Variants in DPP10 observed in about 807,000 individuals in gnomAD.
DPP10 encodes the protein inactive dipeptidyl peptidase 10.
DPP10 carries 33 observed loss-of-function variants against 120.9 expected under a neutral mutation model. The observed-to-expected ratio is 0.27, with a 90% CI of 0.21 to 0.37. The LOEUF (loss-of-function observed/expected upper bound fraction) is 0.37, where lower values mean the gene tolerates loss of function less well. Ranked by LOEUF, DPP10 falls within the 10% of genes least tolerant of loss-of-function variation. DPP10 has a pLI of 1.00. For synonymous variants in DPP10, 337 were observed against 326.1 expected (o/e 1.03, Z -0.36); for missense variants, 816 against 942.8 (o/e 0.87, Z 1.76).
At chr2:115,367,695 C>T (rs1480497957) in intron 3 of DPP10, among the ~76,000 whole-genome samples, 2 of 151,920 alleles carry the variant, frequency 1.3e-5, no homozygotes, top group Non-Finnish European at 2.9e-5. Flanking sequence ...AAAATGATTA[C>T]AATTATTAAT....
intron 9 of DPP10, among the ~76,000 whole-genome samples, chr2:115,743,814 A>C (rs1677602352): frequency 6.6e-6 from 1 of 150,658 alleles, no homozygotes; most frequent in South Asian, 2.1e-4. Context: ...CAAGTAAATA[A>C]CAGACTGAAC....
At chr2:114,489,934 G>T (rs867509835) in intron 1 of DPP10, among the ~76,000 whole-genome samples, 1 of 152,184 alleles carries the variant, frequency 6.6e-6, no homozygotes, top group Admixed American at 6.5e-5. Flanking sequence ...AAGATTGAAA[G>T]AAATAATACC....
intron 1 of DPP10, among the ~76,000 whole-genome samples, chr2:114,545,091 C>G (rs968655450): frequency 2.0e-5 from 3 of 152,068 alleles, no homozygotes; most frequent in African/African-American, 7.2e-5. Context: ...ACCTCGTGAT[C>G]CGCCCACTTC....
At chr2:115,753,333 G>A in intron 11 of DPP10, 36 bp downstream of exon 11, 1 of 1,567,572 alleles carries the variant, frequency 6.4e-7, no homozygotes. Context: ...TGCCTAAAAT[G>A]AAGTAGCTTA....
chr2:115,734,330 G>A (rs561369623), intron 8 of DPP10, among the ~76,000 whole-genome samples: 1 of 152,030 alleles, frequency 6.6e-6, no homozygotes, highest in Non-Finnish European at 1.5e-5. Flanking sequence ...AGCCAACGGG[G>A]TATCTTTGTA....
At chr2:115,052,401 G>A (rs1705565531) in intron 1 of DPP10, among the ~76,000 whole-genome samples, 1 of 152,092 alleles carries the variant, frequency 6.6e-6, no homozygotes, top group South Asian at 2.1e-4. Context: ...CCCATGAAAT[G>A]AGAAATAACG....
At chr2:115,506,419 A>T (rs1320076486) in intron 4 of DPP10, among the ~76,000 whole-genome samples, 1 of 152,136 alleles carries the variant, frequency 6.6e-6, no homozygotes, top group African/African-American at 2.4e-5. Context: ...AGACCCAGAG[A>T]AATAAAGAGA....
intron 1 of DPP10, among the ~76,000 whole-genome samples, chr2:115,069,495 A>G (rs1422547717): frequency 6.6e-6 from 1 of 152,070 alleles, no homozygotes; most frequent in African/African-American, 2.4e-5. Context: ...AGACAATTTA[A>G]CTTTTTCAGT....
At chr2:115,062,128 C>CTCTG (rs1395910335) in intron 1 of DPP10, among the ~76,000 whole-genome samples, 1 of 143,880 alleles carries the variant, frequency 7.0e-6, no homozygotes, top group African/African-American at 2.5e-5. Flanking sequence ...GATTACAGTT[C>CTCTG]TGTGTGTGTG....
intron 5 of DPP10, among the ~76,000 whole-genome samples, chr2:115,679,162 G>T (rs1049043234): frequency 6.6e-6 from 1 of 151,850 alleles, no homozygotes; most frequent in African/African-American, 2.4e-5. Context: ...GGAAGGGCAT[G>T]ATTGTGTTTT....
At chr2:115,724,353 C>T (rs576986940) in intron 7 of DPP10, among the ~76,000 whole-genome samples, 1 of 152,186 alleles carries the variant, frequency 6.6e-6, no homozygotes, top group East Asian at 1.9e-4. Flanking sequence ...GAGAAGGTGG[C>T]AAATTAAAAA....
At chr2:115,270,066 TCACACACACACACACACACACACACA>T (rs57649162) in intron 1 of DPP10, among the ~76,000 whole-genome samples, 1 of 130,642 alleles carries the variant, frequency 7.7e-6, no homozygotes, top group Non-Finnish European at 1.6e-5. Context: ...TAGGTATACT[TCACACACACACACACACACACACACA>T]CACACACACA....
intron 7 of DPP10, among the ~76,000 whole-genome samples, chr2:115,714,041 AC>A (rs1457419317): frequency 1.3e-5 from 2 of 152,186 alleles, no homozygotes; most frequent in Non-Finnish European, 2.9e-5. Context: ...AGCTGTCTAA[AC>A]ATCTGCTTTT....
chr2:114,748,607 T>C (rs1226978647), intron 1 of DPP10, among the ~76,000 whole-genome samples: 1 of 86,826 alleles, frequency 1.2e-5, no homozygotes, highest in Admixed American at 1.5e-4. Flanking sequence ...CCTGTGTCCA[T>C]GTGATCTCAT....
intron 1 of DPP10, among the ~76,000 whole-genome samples, chr2:115,213,055 A>T (rs1240798880): frequency 6.6e-6 from 1 of 152,146 alleles, no homozygotes; most frequent in Non-Finnish European, 1.5e-5. Flanking sequence ...GAGTTCTTAA[A>T]TATAACCCTG....
At chr2:114,947,790 G>A (rs1697477734) in intron 1 of DPP10, among the ~76,000 whole-genome samples, 4 of 151,916 alleles carry the variant, frequency 2.6e-5, no homozygotes, top group African/African-American at 9.7e-5. Flanking sequence ...TTCAAAGTGT[G>A]CTTTTTTTCC....
intron 19 of DPP10, among the ~76,000 whole-genome samples, chr2:115,800,794 A>G (rs1448478249): frequency 6.6e-6 from 1 of 152,048 alleles, no homozygotes; most frequent in Non-Finnish European, 1.5e-5. Flanking sequence ...ATTGGTCTAT[A>G]TCTCTGTTTT....
At chr2:115,727,772 C>A (rs749895267) in intron 7 of DPP10, 44 bp from the exon 8 acceptor site, 1 of 1,553,014 alleles carries the variant, frequency 6.4e-7, no homozygotes, top group South Asian at 1.2e-5. Context: ...AAAAGGCATC[C>A]TAACGTGTTG....
At chr2:115,450,947 TATTAA>T (rs2073061835) in intron 3 of DPP10, among the ~76,000 whole-genome samples, 1 of 151,958 alleles carries the variant, frequency 6.6e-6, no homozygotes. Flanking sequence ...TTTCAGTTAA[TATTAA>T]ATTCTGAACA....
Sources: allele counts gnomAD v4.1 joint callset (sites outside exome capture counted in the v4.1 genomes callset), GRCh38; gene constraint gnomAD v4.1.1; transcripts MANE v1.5; gene names NCBI Gene and HGNC (gene_info 2026-07-23, HGNC 2026-07-21).